The following ARIH2 variants were observed in gnomAD, a reference collection of about 807,000 sequenced individuals.
ARIH2 encodes the protein E3 ubiquitin-protein ligase ARIH2.
Under a neutral mutation model 79.8 loss-of-function variants are expected in ARIH2, and 12 were observed. The observed-to-expected ratio is 0.15, with a 90% CI of 0.10 to 0.24. ARIH2 has a LOEUF of 0.24. Ranked by LOEUF, ARIH2 falls within the 10% of genes least tolerant of loss-of-function variation. The probability of loss-of-function intolerance (pLI) is 1.00; values close to 1 mark genes in which losing one functional copy is unlikely to be tolerated. For missense variants in ARIH2, 301 were observed against 618.3 expected, an observed-to-expected ratio of 0.49 and a Z score of 5.44; for synonymous variants, 224 against 213.9, an observed-to-expected ratio of 1.05 and a Z score of -0.41.
chr3:48,940,060 G>A (rs937401020), intron 3 of ARIH2, among the ~76,000 whole-genome samples: 3 of 151,842 alleles, frequency 2.0e-5, no homozygotes, highest in Admixed American at 2.0e-4. Context: ...CAAAAAATTA[G>A]CCAGGCATGG....
At chr3:48,981,619 G>A in intron 13 of ARIH2, 41 bp from the exon 14 acceptor site, 1 of 1,567,788 alleles carries the variant, frequency 6.4e-7, no homozygotes, top group South Asian at 1.1e-5. Context: ...AGGTAGCTTA[G>A]AATCACAGAC....
chr3:48,973,886 T>G, intron 9 of ARIH2, 70 bp downstream of exon 9: 4 of 1,228,044 alleles, frequency 3.3e-6, no homozygotes, highest in Non-Finnish European at 4.8e-6. Flanking sequence ...CCTTGGAGAT[T>G]TGCCATCTGA....
At chr3:48,965,288 A>G (rs913801199) in intron 5 of ARIH2, among the ~76,000 whole-genome samples, 5 of 151,976 alleles carry the variant, frequency 3.3e-5, no homozygotes, top group African/African-American at 1.2e-4. Flanking sequence ...TGAACCCGGG[A>G]GGCGGAGCTT....
At chr3:48,934,250 T>A in intron 3 of ARIH2, 1 of 523,712 alleles carries the variant, frequency 1.9e-6, no homozygotes, top group Non-Finnish European at 2.4e-6. Flanking sequence ...AAATACATTA[T>A]TTTAGCCATT....
chr3:48,964,369 G>A (rs1021588321), intron 4 of ARIH2, among the ~76,000 whole-genome samples: 7 of 149,416 alleles, frequency 4.7e-5, no homozygotes, highest in Admixed American at 3.4e-4. Context: ...AGGCTGGAGT[G>A]CAATGGCACA....
chr3:48,942,539 G>T (rs554576839), intron 3 of ARIH2, among the ~76,000 whole-genome samples: 2 of 150,606 alleles, frequency 1.3e-5, no homozygotes, highest in African/African-American at 4.9e-5. Flanking sequence ...CGGAGTCTCC[G>T]TTGCCCAGGC....
At chr3:48,932,527 CAAT>C (rs1473182433) in intron 3 of ARIH2, among the ~76,000 whole-genome samples, 1 of 152,018 alleles carries the variant, frequency 6.6e-6, no homozygotes, top group Non-Finnish European at 1.5e-5. Context: ...AGTAGTTAGC[CAAT>C]AATTTTTTTC....
chr3:48,971,074 A>C (rs2092201331), intron 8 of ARIH2, among the ~76,000 whole-genome samples: 1 of 152,208 alleles, frequency 6.6e-6, no homozygotes, highest in Non-Finnish European at 1.5e-5. Context: ...TTACTTGGCT[A>C]ATTTTTGTTA....
intron 3 of ARIH2, among the ~76,000 whole-genome samples, chr3:48,957,887 T>C (rs535936632): frequency 6.6e-6 from 1 of 152,232 alleles, no homozygotes; most frequent in Non-Finnish European, 1.5e-5. Context: ...AGCTAATTTT[T>C]GTATTTTTAG....
chr3:48,981,114 G>C (rs2092732791), intron 13 of ARIH2, among the ~76,000 whole-genome samples: 1 of 149,348 alleles, frequency 6.7e-6, no homozygotes, highest in Non-Finnish European at 1.5e-5. Context: ...TGCATTGCTT[G>C]AGCCCAGGAG....
At chr3:48,960,211 G>T (rs1218677032) in intron 3 of ARIH2, among the ~76,000 whole-genome samples, 57 of 152,218 alleles carry the variant, frequency 3.7e-4, no homozygotes, top group Non-Finnish European at 2.9e-5. Flanking sequence ...TTGACACTTA[G>T]GGTGTTTTGT....
rs200592185 is a variant in ARIH2 at position 48,927,753 on chromosome 3, C to G, written c.195C>G (p.Thr65=). The G allele has an allele frequency of 1.2e-6, 2 of 1,614,216 alleles. No homozygotes were observed. The highest frequency in any genetic ancestry group is 3.3e-5 in the Admixed American group (2 of 60,024). ...AGGAGTACCAGTTCACTTGCTTGAC[C>G]TACAAGGAATCTGAGGGTGCCCTCA... The part of the protein sequence containing the change: ...DPEEYQFTCL[T]YKESEGALNE... The change falls in exon 3 of 16, where the codon ACC becomes ACG. Residue 65 remains threonine (T), a synonymous_variant. Transcript: ENST00000356401.
intron 3 of ARIH2, among the ~76,000 whole-genome samples, chr3:48,934,041 TG>T (rs567265222): frequency 1.1e-3 from 168 of 152,332 alleles, no homozygotes; most frequent in Middle Eastern, 3.4e-3. Flanking sequence ...ATCTGGTGTT[TG>T]CTCTTTAGCA....
chr3:48,963,796 C>T (rs2091515310), intron 4 of ARIH2, among the ~76,000 whole-genome samples: 1 of 152,006 alleles, frequency 6.6e-6, no homozygotes, highest in African/African-American at 2.4e-5. Flanking sequence ...TTTCAATGGT[C>T]CTGTATTATT....
chr3:48,925,463 G>C (rs1430453944), intron 2 of ARIH2, among the ~76,000 whole-genome samples: 1 of 150,866 alleles, frequency 6.6e-6, no homozygotes, highest in African/African-American at 2.4e-5. Flanking sequence ...GGTCTCACTA[G>C]GTTGTTCAGG....
chr3:48,948,130 T>G (rs1026939859), intron 3 of ARIH2, among the ~76,000 whole-genome samples: 1 of 151,770 alleles, frequency 6.6e-6, no homozygotes, highest in African/African-American at 2.4e-5. Context: ...CTGGCTAATT[T>G]TTTTATATTT....
chr3:48,925,855 G>T (rs937632555), intron 2 of ARIH2, among the ~76,000 whole-genome samples: 1 of 151,720 alleles, frequency 6.6e-6, no homozygotes, highest in Non-Finnish European at 1.5e-5. Context: ...AGTAGCTGGG[G>T]ATTACACGCA....
At chr3:48,919,276 T>C in intron 1 of ARIH2, 2 of 1,108,684 alleles carry the variant, frequency 1.8e-6, no homozygotes, top group Non-Finnish European at 2.3e-6. Context: ...CTAGGCCCTC[T>C]CTCCCTGTCT....
chr3:48,964,774 C>T, intron 4 of ARIH2, 145 bp from the exon 5 acceptor site: 1 of 565,806 alleles, frequency 1.8e-6, no homozygotes, highest in Non-Finnish European at 3.1e-6. Flanking sequence ...GAAAAAAAGT[C>T]TTTGTACTGA....
Sources: allele counts gnomAD v4.1 joint callset (sites outside exome capture counted in the v4.1 genomes callset), GRCh38; gene constraint gnomAD v4.1.1; transcripts MANE v1.5; gene names NCBI Gene and HGNC (gene_info 2026-07-23, HGNC 2026-07-21).